The following KLF12 variants were observed in gnomAD, a reference collection of about 807,000 sequenced individuals.
KLF12 encodes KLF transcription factor 12, also known as Krueppel-like factor 12.
KLF12 carries 9 observed loss-of-function variants against 37.8 expected under a neutral mutation model. That is an observed-to-expected ratio of 0.24 (90% CI 0.14 to 0.42). KLF12 has a LOEUF of 0.42. Among genes scored for constraint, KLF12 ranks in the 10% least tolerant of loss-of-function variants. KLF12 has a pLI of 1.00. For missense variants in KLF12, 411 were observed against 516.0 expected (o/e 0.80, Z 1.97); for synonymous variants, 208 against 202.1 (o/e 1.03, Z -0.25).
the KLF12 span, among the ~76,000 whole-genome samples, chr13:74,215,873 C>A: frequency 6.6e-6 from 1 of 152,168 alleles, no homozygotes; most frequent in Non-Finnish European, 1.5e-5. Flanking sequence ...ATTTTCACTT[C>A]AGCATCTCTT....
intron 4 of KLF12, among the ~76,000 whole-genome samples, chr13:73,837,574 G>C (rs1884502081): frequency 6.6e-6 from 1 of 152,044 alleles, no homozygotes. Context: ...CATAAACATG[G>C]GCTGCCTGCC....
At chr13:73,827,460 T>TC (rs1259510213) in intron 4 of KLF12, among the ~76,000 whole-genome samples, 2 of 152,212 alleles carry the variant, frequency 1.3e-5, no homozygotes, top group East Asian at 3.8e-4. Flanking sequence ...TTCCATGTTG[T>TC]CAATTCTCCT....
chr13:73,734,073 T>C (rs1271063153), intron 6 of KLF12, among the ~76,000 whole-genome samples: 1 of 152,192 alleles, frequency 6.6e-6, no homozygotes, highest in Non-Finnish European at 1.5e-5. Context: ...CCATTTCAAC[T>C]CAGTGCCTTC....
intron 1 of KLF12, among the ~76,000 whole-genome samples, chr13:74,125,895 T>C (rs1346664843): frequency 6.6e-6 from 1 of 152,192 alleles, no homozygotes; most frequent in African/African-American, 2.4e-5. Flanking sequence ...CGTTTAATGA[T>C]AGAGGGAGGT....
chr13:74,086,931 A>G (rs1284541604), intron 1 of KLF12, among the ~76,000 whole-genome samples: 1 of 152,206 alleles, frequency 6.6e-6, no homozygotes, highest in African/African-American at 2.4e-5. Context: ...ACATCATCAT[A>G]AAGACCTCCA....
intron 2 of KLF12, among the ~76,000 whole-genome samples, chr13:73,992,909 T>A (rs1892007746): frequency 6.6e-6 from 1 of 152,214 alleles, no homozygotes; most frequent in Non-Finnish European, 1.5e-5. Flanking sequence ...CTACAATGGA[T>A]AAAATGTATG....
At position 73,995,072 on chromosome 13, in the gene KLF12, G is replaced by A. The variant is rs377569342; in HGVS notation, c.-31-19C>T. On this transcript the variant is annotated intron_variant, in intron 1 of 7. Coordinates refer to ENST00000377669, the MANE Select transcript of KLF12 (RefSeq NM_007249.5). Reference sequence around the variant, plus strand: ...ATTGATCCTGCAAGAAAAACACAAAGACAAATGATGAGAGAAAGTTCTACA... The same window carrying A: ...ATTGATCCTGCAAGAAAAACACAAAAACAAATGATGAGAGAAAGTTCTACA... 3 of 1,540,250 alleles carry A rather than the reference G, an allele frequency of 1.9e-6. No individual in the cohort carries two copies. The highest frequency in any genetic ancestry group is 2.7e-6 in the Non-Finnish European group (3 of 1,124,652).
the KLF12 span, among the ~76,000 whole-genome samples, chr13:74,179,048 T>C: frequency 2.0e-5 from 3 of 152,362 alleles, no homozygotes; most frequent in Middle Eastern, 3.4e-3. Flanking sequence ...ACTATGTCCA[T>C]GTGCTGTGAA....
intron 6 of KLF12, among the ~76,000 whole-genome samples, chr13:73,756,093 T>C (rs1414165047): frequency 2.0e-5 from 3 of 152,188 alleles, no homozygotes; most frequent in East Asian, 1.9e-4. Context: ...GTCTTACCTC[T>C]TGGGGATTCT....
At position 74,093,099 on chromosome 13, in the gene KLF12, G is replaced by A. The variant is rs188469565; in HGVS notation, c.-32+40640C>T. ...TGAGAAGTTAAACCAAACTAATCCT[G>A]GAGACCTACCTACATCTGAACTTTC... On this transcript the variant is annotated intron_variant, in intron 1 of 7. Transcript: ENST00000377669. Among the ~76,000 whole-genome samples the A allele has an allele frequency of 1.4e-3, 220 of 152,250 alleles. 3 individuals carry two copies. Among genetic ancestry groups the A allele is most frequent in the Non-Finnish European group, 4.1e-4 (28 of 68,010 alleles).
intron 1 of KLF12, among the ~76,000 whole-genome samples, chr13:74,058,480 C>T (rs916755455): frequency 1.1e-4 from 16 of 151,480 alleles, no homozygotes; most frequent in Admixed American, 2.6e-4. Flanking sequence ...CTCAGCCTCC[C>T]GAGTAGCTGG....
intron 1 of KLF12, among the ~76,000 whole-genome samples, chr13:74,003,724 G>A (rs1366565404): frequency 6.6e-6 from 1 of 152,114 alleles, no homozygotes. Context: ...ATGAAAATAT[G>A]CTTACAGATG....
chr13:73,728,170 C>T (rs1876807016), intron 6 of KLF12, among the ~76,000 whole-genome samples: 1 of 152,202 alleles, frequency 6.6e-6, no homozygotes, highest in Non-Finnish European at 1.5e-5. Flanking sequence ...TCAAGCCTTA[C>T]ATATCTTTTG....
At chr13:74,299,695 G>A in the KLF12 span, among the ~76,000 whole-genome samples, 1 of 152,166 alleles carries the variant, frequency 6.6e-6, no homozygotes, top group African/African-American at 2.4e-5. Context: ...AAAACTTGCA[G>A]CATGGGCATG....
intron 2 of KLF12, among the ~76,000 whole-genome samples, chr13:73,952,784 GT>G (rs1402878026): frequency 2.0e-5 from 3 of 152,176 alleles, no homozygotes; most frequent in Non-Finnish European, 4.4e-5. Flanking sequence ...AAGTTTAAGC[GT>G]TGTTTACAGA....
chr13:74,163,527 A>T, the KLF12 span, among the ~76,000 whole-genome samples: 2 of 151,980 alleles, frequency 1.3e-5, no homozygotes, highest in Admixed American at 1.3e-4. Flanking sequence ...GGATCTGAAA[A>T]TCAAATCAAT....
At chr13:74,198,540 G>A in the KLF12 span, among the ~76,000 whole-genome samples, 2 of 152,252 alleles carry the variant, frequency 1.3e-5, no homozygotes, top group African/African-American at 4.8e-5. Flanking sequence ...TAAGAATCTG[G>A]AAACTTTTAA....
the KLF12 span, among the ~76,000 whole-genome samples, chr13:74,151,487 CAA>C: frequency 6.6e-6 from 1 of 151,256 alleles, no homozygotes; most frequent in African/African-American, 2.4e-5. Flanking sequence ...CCTGTGTCTA[CAA>C]AAAAAACACA....
chr13:74,030,195 T>C (rs528478768), intron 1 of KLF12, among the ~76,000 whole-genome samples: 2 of 152,192 alleles, frequency 1.3e-5, no homozygotes, highest in Admixed American at 1.3e-4. Flanking sequence ...TATTTTGTTT[T>C]AGCCAGTATG....
Sources: allele counts gnomAD v4.1 joint callset (sites outside exome capture counted in the v4.1 genomes callset), GRCh38; gene constraint gnomAD v4.1.1; transcripts MANE v1.5; gene names NCBI Gene and HGNC (gene_info 2026-07-23, HGNC 2026-07-21).